Variants in DRG2 observed in about 807,000 individuals in gnomAD.
DRG2 encodes the protein developmentally-regulated GTP-binding protein 2.
Under a neutral mutation model 53.4 loss-of-function variants are expected in DRG2, and 36 were observed. The observed-to-expected ratio is 0.67, with a 90% CI of 0.52 to 0.89. The LOEUF is 0.89. DRG2 is among the 40% of genes least tolerant of loss of function. DRG2 has a pLI of 0.00. For missense variants in DRG2, 342 were observed against 481.2 expected (o/e 0.71, Z 2.71); for synonymous variants, 167 against 192.1 (o/e 0.87, Z 1.08).
Position 18,099,516 on chromosome 17 carries a change from G to T in DRG2, c.377-117G>T. The T allele has an allele frequency of 9.7e-7, 1 of 1,027,650 alleles. No individual in the cohort carries two copies. Among genetic ancestry groups the T allele is most frequent in the Non-Finnish European group, 1.5e-6 (1 of 671,578 alleles). The allele number at this position is 1,027,650 out of a possible 1,614,324, so 63.7% of individuals were successfully genotyped here. On this transcript the variant is annotated intron_variant, in intron 4 of 12. Transcript: ENST00000225729. This position sits in a 1 kb window ranked among gnomAD's most constrained non-coding sequence, Gnocchi z 4.4. ...GATTAAAGAAAAATGCCAAGCTTGT[G>T]CTAGTATGTGGCAGAGGCTGTGGTA...
At position 18,107,341 on chromosome 17, in the gene DRG2, C is replaced by A; in HGVS notation, c.*101C>A. The A allele has an allele frequency of 8.6e-7, 1 of 1,169,482 alleles. No homozygotes were observed. The highest frequency in any genetic ancestry group is 1.2e-6 in the Non-Finnish European group (1 of 811,246). 72.4% of individuals were successfully genotyped at this position (1,169,482 alleles called of 1,614,324 possible). On this transcript the variant is annotated 3_prime_UTR_variant, in exon 13 of 13. Transcript: ENST00000225729. ...AAACAGAAAAATACAAATACACGTA[C>A]CCCAGGAAGGGGTCCCTCAAGTCTC... is the stretch of plus-strand genomic sequence containing the variant.
chr17:18,098,095 A>G lies in DRG2; in HGVS notation c.226-175A>G. 1 of 588,830 alleles carries G rather than the reference A, an allele frequency of 1.7e-6. No individual in the cohort carries two copies. 36.5% of individuals were successfully genotyped at this position (588,830 alleles called of 1,614,324 possible). The stretch of plus-strand genomic sequence containing the variant: ...CTCTGGTGTCTGACCCATCCAGGAC[A>G]GGGCCAGAGGTGAGCCCTCTGGCTG... On this transcript the variant is annotated intron_variant, in intron 2 of 12. Coordinates refer to ENST00000225729, the MANE Select transcript of DRG2 (RefSeq NM_001388.5). This position sits in a 1 kb window ranked among gnomAD's most constrained non-coding sequence, Gnocchi z 4.1.
In DRG2 at chr17:18,100,189, T is replaced by C; in HGVS notation, c.468-174T>C. The C allele has an allele frequency of 2.9e-6, 2 of 694,486 alleles. No individual in the cohort carries two copies. The highest frequency in any genetic ancestry group is 1.8e-5 in the South Asian group (1 of 55,726). The allele number at this position is 694,486 out of a possible 1,614,324, so 43.0% of individuals were successfully genotyped here. A position where few individuals can be genotyped will look rare whatever the true frequency, so the allele number is the denominator to read the frequency against. On this transcript the variant is annotated intron_variant, in intron 5 of 12. Coordinates refer to ENST00000225729, the MANE Select transcript of DRG2 (RefSeq NM_001388.5). The surrounding 1 kb of genome is among the most constrained non-coding windows in gnomAD (Gnocchi z 4.1). ...TCCCCTCTGGGACTGTGGCAGAGTT[T>C]AGAAGTTCCCTGCAGCTCTAGGGCA...
chr17:18,098,435 G>A lies in DRG2; in HGVS notation c.315+76G>A. The stretch of plus-strand genomic sequence containing the variant: ...GGACTTGTGCCTGTGCCCACCCTGT[G>A]TGTGAGTCTGGGTGGATGTCCCCAT... On this transcript the variant is annotated intron_variant, in intron 3 of 12. Coordinates refer to ENST00000225729, the MANE Select transcript of DRG2 (RefSeq NM_001388.5). This position sits in a 1 kb window ranked among gnomAD's most constrained non-coding sequence, Gnocchi z 4.1. 2 of 1,337,818 alleles carry A rather than the reference G, an allele frequency of 1.5e-6. No individual in the cohort carries two copies. Among genetic ancestry groups the A allele is most frequent in the South Asian group, 2.4e-5 (2 of 84,412 alleles). 82.9% of individuals were successfully genotyped at this position (1,337,818 alleles called of 1,614,324 possible). A position where few individuals can be genotyped will look rare whatever the true frequency, so the allele number is the denominator to read the frequency against.
intron 1 of DRG2, among the ~76,000 whole-genome samples, chr17:18,090,383 TATATATATA>T (rs2045300055): frequency 2.9e-5 from 1 of 34,676 alleles, no homozygotes; most frequent in Non-Finnish European, 4.8e-5. Flanking sequence ...TATATATATA[TATATATATA>T]TATATATATA....
At chr17:18,093,288 C>A (rs1391255895) in intron 1 of DRG2, among the ~76,000 whole-genome samples, 5 of 151,864 alleles carry the variant, frequency 3.3e-5, no homozygotes, top group Admixed American at 6.6e-5. Flanking sequence ...TTGGTGAGAA[C>A]CATTTGGTGA....
At chr17:18,090,383 TATATATATATATATATATATATA>T (rs1304169210) in intron 1 of DRG2, among the ~76,000 whole-genome samples, 2,210 of 34,592 alleles carry the variant, frequency 0.064, 176 homozygotes, top group African/African-American at 0.094. Flanking sequence ...TATATATATA[TATATATATATATATATATATATA>T]TTTTTTTTTT....
Position 18,099,569 on chromosome 17 carries a change from G to GC in DRG2, c.377-62dup, listed in dbSNP as rs1157333805. The GC allele has an allele frequency of 3.3e-6, 5 of 1,524,160 alleles. No individual in the cohort carries two copies. The Admixed American group carries it at 9.8e-5, about 30-fold the overall frequency. 94.4% of individuals were successfully genotyped at this position (1,524,160 alleles called of 1,614,324 possible). On this transcript the variant is annotated intron_variant, in intron 4 of 12. Transcript: ENST00000225729. This position sits in a 1 kb window ranked among gnomAD's most constrained non-coding sequence, Gnocchi z 4.4. ...TCTGTAAAGGACAGGAGTCCAGGGC[G>GC]CCGTGGGCTGGGTAGCAGTCACATG...
intron 1 of DRG2, 64 bp downstream of exon 1, chr17:18,088,151 G>A (rs886302302): frequency 2.0e-6 from 3 of 1,505,396 alleles, no homozygotes; most frequent in East Asian, 5.2e-5. Context: ...TGTAAAATGG[G>A]GGAACAACTC....
At position 18,098,173 on chromosome 17, in the gene DRG2, C is replaced by CA; in HGVS notation, c.226-97_226-96insA. ...ACCAAGCCGAGGGTGAGAGGGTCTC[C>CA]TCCTGCTGCCTGCACCTGCAGGCCC... On this transcript the variant is annotated intron_variant, in intron 2 of 12. Transcript: ENST00000225729. The surrounding 1 kb of genome is among the most constrained non-coding windows in gnomAD (Gnocchi z 4.1). 1 of 987,242 alleles carries CA rather than the reference C, an allele frequency of 1.0e-6. No homozygotes were observed. The allele number at this position is 987,242 out of a possible 1,614,324, so 61.2% of individuals were successfully genotyped here.
chr17:18,107,332 A>C lies in DRG2; in HGVS notation c.*92A>C. 2 of 1,258,452 alleles carry C rather than the reference A, an allele frequency of 1.6e-6. No individual in the cohort carries two copies. Among genetic ancestry groups the C allele is most frequent in the Non-Finnish European group, 2.3e-6 (2 of 885,634 alleles). 78.0% of individuals were successfully genotyped at this position (1,258,452 alleles called of 1,614,324 possible). A position where few individuals can be genotyped will look rare whatever the true frequency, so the allele number is the denominator to read the frequency against. On this transcript the variant is annotated 3_prime_UTR_variant, in exon 13 of 13. Transcript: ENST00000225729. ...CAAACACCCAAACAGAAAAATACAA[A>C]TACACGTACCCCAGGAAGGGGTCCC... is the stretch of plus-strand genomic sequence containing the variant.
chr17:18,088,086 G>A lies in DRG2; in HGVS notation c.63G>A (p.Lys21=). 2 of 1,545,372 alleles carry A rather than the reference G, an allele frequency of 1.3e-6. No homozygotes were observed. The highest frequency in any genetic ancestry group is 2.4e-5 in the South Asian group (2 of 82,920). The change falls in exon 1 of 13, where the codon AAG becomes AAA. Residue 21 remains lysine (K), a splice_region_variant and synonymous_variant. Coordinates refer to ENST00000225729, the MANE Select transcript of DRG2 (RefSeq NM_001388.5). The part of the protein sequence containing the change: ...EKEIARTQKN[K]ATEYHLGLLK... ...AGATCGCTCGGACACAGAAGAACAA[G>A]GGTGAGGGCCGGCCGGGCGGGGCCT...
rs1229491912 is a variant in DRG2 at position 18,098,994 on chromosome 17, C to T, written c.316-23C>T. ...CAGTGGAGGCCCAGCCTTGCCTTAC[C>T]TTTCTTCTCTTCTGCATCCTAGTAC... On this transcript the variant is annotated intron_variant, in intron 3 of 12. Coordinates refer to ENST00000225729, the MANE Select transcript of DRG2 (RefSeq NM_001388.5). This position sits in a 1 kb window ranked among gnomAD's most constrained non-coding sequence, Gnocchi z 4.1. The T allele has an allele frequency of 1.9e-6, 3 of 1,613,628 alleles. No individual in the cohort carries two copies. The highest frequency in any genetic ancestry group is 2.2e-5 in the East Asian group (1 of 44,896).
chr17:18,107,474 A>G lies in DRG2; in HGVS notation c.*234A>G. ...ACTGAGCCCTCTCATGGGGGTTTTG[A>G]GTTTGTAGTGCTGAGCCTGCATCTG... is the stretch of plus-strand genomic sequence containing the variant. On this transcript the variant is annotated 3_prime_UTR_variant, in exon 13 of 13. Transcript: ENST00000225729. 1.8e-6 allele frequency: 1 copy of G among 568,386 alleles called. No homozygotes were observed. 35.2% of individuals were successfully genotyped at this position (568,386 alleles called of 1,614,324 possible).
rs1474113052 is a variant in DRG2 at position 18,099,738 on chromosome 17, G to A, written c.467+15G>A. 1.1e-5 allele frequency: 17 copies of A among 1,589,828 alleles called. No homozygotes were observed. The East Asian group carries it at 3.4e-4, about 32-fold the overall frequency. On this transcript the variant is annotated intron_variant, in intron 5 of 12. Coordinates refer to ENST00000225729, the MANE Select transcript of DRG2 (RefSeq NM_001388.5). This position sits in a 1 kb window ranked among gnomAD's most constrained non-coding sequence, Gnocchi z 4.4. The stretch of plus-strand genomic sequence containing the variant: ...GAGGTGCAGAGGTCCGCAGGGTGGG[G>A]CATGGGGCAGGCTCACATGTCTGGG...
chr17:18,099,892 C>A lies in DRG2; in HGVS notation c.467+169C>A. On this transcript the variant is annotated intron_variant, in intron 5 of 12. Coordinates refer to ENST00000225729, the MANE Select transcript of DRG2 (RefSeq NM_001388.5). This position sits in a 1 kb window ranked among gnomAD's most constrained non-coding sequence, Gnocchi z 4.4. ...CACCCAGCCTATGGCGTCTTCTCCT[C>A]AAGGCTTGTGTCCAGCCAGCACAGA... 1 of 685,694 alleles carries A rather than the reference C, an allele frequency of 1.5e-6. No homozygotes were observed. The allele number at this position is 685,694 out of a possible 1,614,324, so 42.5% of individuals were successfully genotyped here. A position where few individuals can be genotyped will look rare whatever the true frequency, so the allele number is the denominator to read the frequency against.
chr17:18,090,406 ATTTTTTTTTTTTTTT>A (rs1186716416), intron 1 of DRG2, among the ~76,000 whole-genome samples: 1 of 22,704 alleles, frequency 4.4e-5, no homozygotes, highest in Non-Finnish European at 7.3e-5. Flanking sequence ...ATATATATAT[ATTTTTTTTTTTTTTT>A]TTTTTTTTTT....
At chr17:18,089,033 G>A (rs997014592) in intron 1 of DRG2, among the ~76,000 whole-genome samples, 2 of 152,218 alleles carry the variant, frequency 1.3e-5, no homozygotes, top group Non-Finnish European at 2.9e-5. Context: ...GGAGCAGGAA[G>A]CAAGCAACAC....
chr17:18,100,116 C>A lies in DRG2; in HGVS notation c.468-247C>A. 1 of 591,164 alleles carries A rather than the reference C, an allele frequency of 1.7e-6. No individual in the cohort carries two copies. Among genetic ancestry groups the A allele is most frequent in the Non-Finnish European group, 3.0e-6 (1 of 331,904 alleles). The allele number at this position is 591,164 out of a possible 1,614,324, so 36.6% of individuals were successfully genotyped here. On this transcript the variant is annotated intron_variant, in intron 5 of 12. Coordinates refer to ENST00000225729, the MANE Select transcript of DRG2 (RefSeq NM_001388.5). The surrounding 1 kb of genome is among the most constrained non-coding windows in gnomAD (Gnocchi z 4.1). ...GGAGTACCCTCATGTGGTCACCTCG[C>A]GGGGGCTCCACCACTTGCCTGTGCA...
Sources: gnomAD v4.1 joint callset for allele counts (sites outside exome capture counted in the v4.1 genomes callset) on GRCh38, gnomAD v4.1.1 for gene constraint, Gnocchi (gnomAD v3.1) non-coding constraint, MANE v1.5 for transcripts, NCBI Gene and HGNC (gene_info 2026-07-23, HGNC 2026-07-21) for gene names.